UNC13C: variants seen among roughly 807,000 people sequenced by gnomAD.
UNC13C encodes protein unc-13 homolog C.
UNC13C carries 174 observed loss-of-function variants against 245.4 expected under a neutral mutation model. The observed-to-expected ratio is 0.71, with a 90% CI of 0.63 to 0.80. The LOEUF (loss-of-function observed/expected upper bound fraction) is 0.80, where lower values mean the gene tolerates loss of function less well. UNC13C is among the 30% of genes least tolerant of loss of function. UNC13C has a pLI of 0.00. For synonymous variants in UNC13C, 992 were observed against 895.1 expected (o/e 1.11, Z -1.93); for missense variants, 2,829 against 2,602.9 (o/e 1.09, Z -1.89).
intron 4 of UNC13C, among the ~76,000 whole-genome samples, chr15:54,193,562 C>G (rs1025687530): frequency 1.7e-4 from 26 of 152,102 alleles, no homozygotes; most frequent in African/African-American, 6.3e-4. Context: ...CCTCTGGTCC[C>G]ACCTACCAAA....
At chr15:54,115,715 T>C (rs1029613053) in intron 2 of UNC13C, among the ~76,000 whole-genome samples, 1 of 152,160 alleles carries the variant, frequency 6.6e-6, no homozygotes, top group African/African-American at 2.4e-5. Context: ...CTCAAGGATG[T>C]GGAAATTCAA....
At chr15:53,882,107 G>A in the UNC13C span, among the ~76,000 whole-genome samples, 1 of 152,194 alleles carries the variant, frequency 6.6e-6, no homozygotes, top group Non-Finnish European at 1.5e-5. Flanking sequence ...AGAGTTGAAT[G>A]AAGATTAATT....
At chr15:54,301,295 T>G (rs1263509393) in intron 13 of UNC13C, among the ~76,000 whole-genome samples, 7 of 151,616 alleles carry the variant, frequency 4.6e-5, no homozygotes, top group Non-Finnish European at 4.4e-5. Context: ...TTTTGTTTTT[T>G]TTTTTTTTTT....
the UNC13C span, among the ~76,000 whole-genome samples, chr15:53,906,621 G>T: frequency 6.6e-6 from 1 of 152,136 alleles, no homozygotes; most frequent in Non-Finnish European, 1.5e-5. Context: ...TTTCCCTTCA[G>T]GAATTGAATC....
chr15:53,960,701 G>A, the UNC13C span, among the ~76,000 whole-genome samples: 1 of 152,002 alleles, frequency 6.6e-6, no homozygotes, highest in Non-Finnish European at 1.5e-5. Context: ...GCATCATTTG[G>A]TCAGTTTTAT....
chr15:54,360,968 T>A (rs1246651788), intron 17 of UNC13C, among the ~76,000 whole-genome samples: 1 of 152,158 alleles, frequency 6.6e-6, no homozygotes, highest in African/African-American at 2.4e-5. Flanking sequence ...TGGTTGGCAA[T>A]CTCTGTGTTT....
At chr15:54,111,359 C>T (rs888773680) in intron 2 of UNC13C, among the ~76,000 whole-genome samples, 1 of 152,146 alleles carries the variant, frequency 6.6e-6, no homozygotes, top group Non-Finnish European at 1.5e-5. Flanking sequence ...AAGTTAATGC[C>T]AAAACTCAAT....
intron 2 of UNC13C, among the ~76,000 whole-genome samples, chr15:54,137,124 G>T (rs1278231831): frequency 6.6e-6 from 1 of 152,220 alleles, no homozygotes; most frequent in Non-Finnish European, 1.5e-5. Context: ...ACAGGCATGA[G>T]CCACTGCACT....
chr15:53,925,116 G>A, the UNC13C span, among the ~76,000 whole-genome samples: 1 of 152,098 alleles, frequency 6.6e-6, no homozygotes, highest in East Asian at 1.9e-4. Context: ...CAGAAAAAGG[G>A]GAATCTGTTT....
At chr15:54,241,980 C>T (rs555800779) in intron 7 of UNC13C, among the ~76,000 whole-genome samples, 1 of 152,288 alleles carries the variant, frequency 6.6e-6, no homozygotes, top group South Asian at 2.1e-4. Context: ...CCATGTTGGT[C>T]CAGTTCTACA....
In UNC13C at chr15:54,264,357, A is replaced by C. The variant is rs756919367; in HGVS notation, c.3638A>C (p.Asp1213Ala). The change falls in exon 9 of 33, where the codon GAT (aspartate) becomes GCT (alanine). Residue 1213 changes from aspartate to alanine, a missense_variant. By Grantham distance (126) the Asp-to-Ala change is moderately radical. Transcript: ENST00000260323. ...FTKAAKQSVL[D>A]GTSKWSAKIT... ...AAGGCGGCCAAACAGAGTGTACTGG[A>C]TGGGACATCTAAGTGGTCTGCAAAA... 30 of 1,604,494 alleles carry C rather than the reference A, an allele frequency of 1.9e-5. No individual in the cohort carries two copies. The highest frequency in any genetic ancestry group is 2.5e-5 in the Non-Finnish European group (29 of 1,175,118).
intron 4 of UNC13C, among the ~76,000 whole-genome samples, chr15:54,150,156 A>C (rs1309488013): frequency 1.3e-5 from 2 of 152,144 alleles, no homozygotes; most frequent in African/African-American, 4.8e-5. Context: ...TTTTGGTATC[A>C]GTTCTGTAGC....
chr15:54,172,703 GATATATATAT>G (rs56316345), intron 4 of UNC13C, among the ~76,000 whole-genome samples: 73 of 78,420 alleles, frequency 9.3e-4, no homozygotes, highest in African/African-American at 2.5e-3. Context: ...TACACACACA[GATATATATAT>G]ATATATATAT....
the UNC13C span, among the ~76,000 whole-genome samples, chr15:53,957,688 G>A: frequency 6.6e-6 from 1 of 152,130 alleles, no homozygotes; most frequent in Non-Finnish European, 1.5e-5. Flanking sequence ...AATTTCTGTT[G>A]TTTTTGTTCA....
chr15:54,590,287 C>G (rs1366792044), intron 30 of UNC13C, among the ~76,000 whole-genome samples: 1 of 152,116 alleles, frequency 6.6e-6, no homozygotes, highest in Non-Finnish European at 1.5e-5. Flanking sequence ...TATTTAGTTC[C>G]ATATGAATTT....
chr15:54,300,390 A>G lies in UNC13C; in HGVS notation c.4268+17A>G. 6.4e-7 allele frequency: 1 copy of G among 1,554,330 alleles called. No homozygotes were observed. The highest frequency in any genetic ancestry group is 1.4e-5 in the African/African-American group (1 of 73,584). On this transcript the variant is annotated intron_variant, in intron 13 of 32. Transcript: ENST00000260323. ...AGCTATGACGTAAGTACTACAGAACATTTACATGGTCAATATCTCTATTAA... is the reference window on the plus strand; with the variant it reads ...AGCTATGACGTAAGTACTACAGAACGTTTACATGGTCAATATCTCTATTAA...
At chr15:54,476,819 A>G (rs1892770419) in intron 19 of UNC13C, among the ~76,000 whole-genome samples, 1 of 151,180 alleles carries the variant, frequency 6.6e-6, no homozygotes, top group South Asian at 2.1e-4. Context: ...TATGAACTTT[A>G]AAGTAATTTT....
the UNC13C span, among the ~76,000 whole-genome samples, chr15:53,873,935 C>CCTTT: frequency 2.1e-5 from 3 of 140,762 alleles, no homozygotes; most frequent in Non-Finnish European, 4.6e-5. Flanking sequence ...TTCCTTCCTT[C>CCTTT]CTTCCTTCCT....
intron 17 of UNC13C, among the ~76,000 whole-genome samples, chr15:54,344,050 G>C (rs1316106397): frequency 6.6e-6 from 1 of 152,166 alleles, no homozygotes; most frequent in Non-Finnish European, 1.5e-5. Context: ...AAACTGAGAA[G>C]ATTCTTGCTA....
Sources: allele counts gnomAD v4.1 joint callset (sites outside exome capture counted in the v4.1 genomes callset), GRCh38; gene constraint gnomAD v4.1.1; transcripts MANE v1.5; gene names NCBI Gene and HGNC (gene_info 2026-07-23, HGNC 2026-07-21).